Variants in RSF1 observed in about 807,000 individuals in gnomAD.
RSF1 encodes remodeling and spacing factor 1.
Under a neutral mutation model 145.2 loss-of-function variants are expected in RSF1, and 13 were observed. That is an observed-to-expected ratio of 0.09 (90% confidence interval 0.06 to 0.14). The LOEUF (loss-of-function observed/expected upper bound fraction) is 0.14, where lower values mean the gene tolerates loss of function less well. Ranked by LOEUF, RSF1 falls within the 10% of genes least tolerant of loss-of-function variation. RSF1 has a pLI of 1.00. For missense variants in RSF1, 1,517 were observed against 1,718.2 expected (o/e 0.88, Z 2.07); for synonymous variants, 577 against 592.6 (o/e 0.97, Z 0.38).
At chr11:77,720,182 G>A (rs930795563) in intron 5 of RSF1, among the ~76,000 whole-genome samples, 5 of 152,154 alleles carry the variant, frequency 3.3e-5, no homozygotes, top group Admixed American at 6.5e-5. Flanking sequence ...TTAGGTCTGT[G>A]AGCTGCCAGT....
chr11:77,789,029 T>TA (rs893586003), intron 1 of RSF1, among the ~76,000 whole-genome samples: 47 of 151,348 alleles, frequency 3.1e-4, no homozygotes, highest in Admixed American at 7.2e-4. Flanking sequence ...TTAAAAACAT[T>TA]AAAAAAAACA....
chr11:77,860,274 G>C, the RSF1 span, among the ~76,000 whole-genome samples: 1 of 152,200 alleles, frequency 6.6e-6, no homozygotes, highest in Non-Finnish European at 1.5e-5. Flanking sequence ...TCCTTAATTA[G>C]TGTATATAAT....
the RSF1 span, among the ~76,000 whole-genome samples, chr11:77,847,599 C>A: frequency 1.3e-5 from 2 of 152,110 alleles, no homozygotes; most frequent in African/African-American, 4.8e-5. Context: ...GAATAAGAAG[C>A]CTTAAATCAT....
chr11:77,687,060 T>C (rs1287481889), intron 9 of RSF1, among the ~76,000 whole-genome samples: 1 of 152,204 alleles, frequency 6.6e-6, no homozygotes, highest in Non-Finnish European at 1.5e-5. Flanking sequence ...TGAATATAAG[T>C]GCTTACTTTA....
chr11:77,790,376 C>T lies in RSF1; in HGVS notation c.188-25687G>A, dbSNP rs184706150. Among the ~76,000 whole-genome samples the T allele has an allele frequency of 3.2e-3, 482 of 152,166 alleles. 4 individuals carry two copies. The highest frequency in any genetic ancestry group is 5.5e-3 in the Non-Finnish European group (376 of 68,006). On this transcript the variant is annotated intron_variant, in intron 1 of 15. Coordinates refer to ENST00000308488, the MANE Select transcript of RSF1 (RefSeq NM_016578.4). ...AGACCTGCCCTCATGTTTCAATTAC[C>T]CCCACAGGGTCCCTCCCACAACACA...
chr11:77,735,146 G>A (rs545561843), intron 4 of RSF1: 15 of 708,298 alleles, frequency 2.1e-5, no homozygotes, highest in South Asian at 1.2e-4. Flanking sequence ...GGCTATGGGC[G>A]GCCGGCTGGG....
intron 14 of RSF1, among the ~76,000 whole-genome samples, chr11:77,673,008 T>C (rs1302186445): frequency 6.6e-6 from 1 of 152,124 alleles, no homozygotes; most frequent in African/African-American, 2.4e-5. Context: ...TTTTTAGAAA[T>C]AGTCCTTACT....
intron 2 of RSF1, among the ~76,000 whole-genome samples, chr11:77,748,368 C>T (rs1948025320): frequency 6.6e-6 from 1 of 151,632 alleles, no homozygotes; most frequent in Non-Finnish European, 1.5e-5. Flanking sequence ...GGGGCTATAG[C>T]CGTGTGCCAC....
chr11:77,819,586 T>C (rs1474752627), intron 1 of RSF1, among the ~76,000 whole-genome samples: 2 of 152,204 alleles, frequency 1.3e-5, no homozygotes, highest in East Asian at 1.9e-4. Flanking sequence ...GAGAGAAACA[T>C]GAGCAACAAG....
chr11:77,869,136 T>C, the RSF1 span: 1 of 256,464 alleles, frequency 3.9e-6, no homozygotes, highest in Non-Finnish European at 7.7e-6. Context: ...CTCCATATTT[T>C]CTAAAAGGCC....
the RSF1 span, among the ~76,000 whole-genome samples, chr11:77,849,022 G>A: frequency 8.0e-4 from 120 of 150,804 alleles, no homozygotes; most frequent in African/African-American, 2.7e-3. Flanking sequence ...CAAACTCCTG[G>A]CCTAAAGTGG....
In RSF1 at chr11:77,701,674, C is replaced by G; in HGVS notation, c.1555G>C (p.Val519Leu). Residue 519 changes from valine (V) to leucine (L), a missense_variant, in exon 6 of 16, where the codon GTC becomes CTC. By Grantham distance (32) the Val-to-Leu change is conservative. Transcript: ENST00000308488. The stretch of plus-strand genomic sequence containing the variant: ...GCTTTTTGACTATGGATCTCTAAGA[C>G]TGATATTGAACTATCTGCATCTTTC... Reference protein sequence around the residue: ...LRKDADSSISVLEIHSQKAQI... With the variant: ...LRKDADSSISLLEIHSQKAQI... 6.2e-7 allele frequency: 1 copy of G among 1,614,070 alleles called. No homozygotes were observed. The highest frequency in any genetic ancestry group is 8.5e-7 in the Non-Finnish European group (1 of 1,179,994).
At chr11:77,784,206 T>A (rs546054621) in intron 1 of RSF1, among the ~76,000 whole-genome samples, 1 of 152,356 alleles carries the variant, frequency 6.6e-6, no homozygotes, top group Admixed American at 6.5e-5. Context: ...TCTTTCTCAC[T>A]GCTTCATTTT....
At chr11:77,787,771 A>G (rs1447241370) in intron 1 of RSF1, among the ~76,000 whole-genome samples, 1 of 150,826 alleles carries the variant, frequency 6.6e-6, no homozygotes, top group Non-Finnish European at 1.5e-5. Context: ...TAGCATAGTA[A>G]AATTCAGAGT....
chr11:77,672,034 T>C lies in RSF1; in HGVS notation c.3751+8A>G, dbSNP rs372145709. On this transcript the variant is annotated splice_region_variant and intron_variant, in intron 15 of 15. Transcript: ENST00000308488. ...CAAACTTCTATATATAGGAGACCTA[T>C]GCCTTACCTTCACTCTCTGAGCTGG... 1.9e-6 allele frequency: 3 copies of C among 1,606,792 alleles called. No homozygotes were observed. The highest frequency in any genetic ancestry group is 1.7e-6 in the Non-Finnish European group (2 of 1,177,992).
chr11:77,726,028 G>A (rs750757869), intron 4 of RSF1, among the ~76,000 whole-genome samples: 6 of 152,108 alleles, frequency 3.9e-5, no homozygotes, highest in Non-Finnish European at 8.8e-5. Context: ...TAATCTCTAA[G>A]GAGATGAAAT....
At chr11:77,778,334 TTTACTA>T in intron 1 of RSF1, among the ~76,000 whole-genome samples, 1 of 151,446 alleles carries the variant, frequency 6.6e-6, no homozygotes, top group South Asian at 2.1e-4. Context: ...CTAGCGGTGT[TTTACTA>T]AGACTGGGTC....
At chr11:77,740,206 T>C (rs993772745) in intron 4 of RSF1, among the ~76,000 whole-genome samples, 1 of 152,108 alleles carries the variant, frequency 6.6e-6, no homozygotes, top group Non-Finnish European at 1.5e-5. Flanking sequence ...AGAAACCTCA[T>C]CTCTATTAAA....
intron 5 of RSF1, among the ~76,000 whole-genome samples, chr11:77,707,030 T>C (rs189166283): frequency 2.0e-5 from 3 of 152,322 alleles, no homozygotes; most frequent in African/African-American, 4.8e-5. Flanking sequence ...ATTTTATAAT[T>C]TTATCTGATC....
Sources: allele counts gnomAD v4.1 joint callset (sites outside exome capture counted in the v4.1 genomes callset), GRCh38; gene constraint gnomAD v4.1.1; transcripts MANE v1.5; gene names NCBI Gene and HGNC (gene_info 2026-07-23, HGNC 2026-07-21).